Variants in ARL15 observed in about 807,000 individuals in gnomAD.
ARL15 encodes the protein ADP-ribosylation factor-like protein 15.
Under a neutral mutation model 25.2 loss-of-function variants are expected in ARL15, and 19 were observed. That is an observed-to-expected ratio of 0.75 (90% CI 0.53 to 1.10). The LOEUF (loss-of-function observed/expected upper bound fraction) is 1.10, where lower values mean the gene tolerates loss of function less well. ARL15 is among the 50% of genes least tolerant of loss of function. ARL15 has a pLI of 0.00. For synonymous variants in ARL15, 94 were observed against 86.8 expected (o/e 1.08, Z -0.46); for missense variants, 220 against 246.0 (o/e 0.89, Z 0.71).
At chr5:54,129,395 G>C (rs190076534) in intron 3 of ARL15, among the ~76,000 whole-genome samples, 143 of 152,282 alleles carry the variant, frequency 9.4e-4, no homozygotes, top group South Asian at 1.0e-3. Flanking sequence ...ATTAGAAGTA[G>C]TAAATCATTA....
chr5:54,181,560 A>T (rs1755059231), intron 1 of ARL15, among the ~76,000 whole-genome samples: 1 of 152,348 alleles, frequency 6.6e-6, no homozygotes, highest in East Asian at 1.9e-4. Flanking sequence ...AAAAATACAC[A>T]AACACTTTTA....
chr5:53,947,221 T>TGTGTGTGTGTG (rs57259252), intron 4 of ARL15, among the ~76,000 whole-genome samples: 26 of 114,790 alleles, frequency 2.3e-4, no homozygotes, highest in African/African-American at 5.8e-4. Flanking sequence ...TGTGTGTGTG[T>TGTGTGTGTGTG]TGAGGGCTGG....
intron 4 of ARL15, among the ~76,000 whole-genome samples, chr5:53,941,025 G>T (rs1746524706): frequency 1.3e-5 from 2 of 152,238 alleles, no homozygotes; most frequent in South Asian, 4.1e-4. Context: ...CCTGTGAGAT[G>T]AGTATTTTAT....
intron 4 of ARL15, among the ~76,000 whole-genome samples, chr5:53,936,854 G>A (rs989518598): frequency 6.6e-6 from 1 of 152,152 alleles, no homozygotes; most frequent in African/African-American, 2.4e-5. Flanking sequence ...TGCCCAGTGC[G>A]ATTTCCACCA....
chr5:54,098,155 G>C (rs1166011621), intron 4 of ARL15, among the ~76,000 whole-genome samples: 1 of 152,048 alleles, frequency 6.6e-6, no homozygotes, highest in East Asian at 1.9e-4. Context: ...GAGGAAAGTT[G>C]GATGCTCCTC....
chr5:54,154,941 T>G (rs1754183022), intron 2 of ARL15, among the ~76,000 whole-genome samples: 1 of 152,116 alleles, frequency 6.6e-6, no homozygotes, highest in African/African-American at 2.4e-5. Flanking sequence ...GGCAACATGG[T>G]GAAACCCCGT....
At chr5:54,002,800 C>G (rs1300633021) in intron 4 of ARL15, among the ~76,000 whole-genome samples, 1 of 152,100 alleles carries the variant, frequency 6.6e-6, no homozygotes, top group African/African-American at 2.4e-5. Context: ...TTCTTGCTGC[C>G]CTGTAATATA....
chr5:54,080,350 G>T (rs1424766617), intron 4 of ARL15, among the ~76,000 whole-genome samples: 1 of 152,232 alleles, frequency 6.6e-6, no homozygotes, highest in African/African-American at 2.4e-5. Context: ...GGTTACAAAT[G>T]ATATGGTATT....
intron 4 of ARL15, among the ~76,000 whole-genome samples, chr5:53,992,825 C>A (rs896182546): frequency 2.5e-5 from 3 of 121,644 alleles, no homozygotes; most frequent in Non-Finnish European, 3.6e-5. Flanking sequence ...CTTTGGGAGG[C>A]CGAGGTGGGT....
chr5:54,272,795 T>C (rs1757823573), intron 1 of ARL15, among the ~76,000 whole-genome samples: 1 of 152,212 alleles, frequency 6.6e-6, no homozygotes, highest in South Asian at 2.1e-4. Flanking sequence ...ATGAAGTTAA[T>C]ATAGAATACA....
At chr5:54,108,656 T>C (rs1752653175) in intron 4 of ARL15, among the ~76,000 whole-genome samples, 1 of 152,142 alleles carries the variant, frequency 6.6e-6, no homozygotes, top group Non-Finnish European at 1.5e-5. Context: ...AAATGATCTG[T>C]TATCAAGCAA....
At chr5:54,030,850 C>T (rs943652641) in intron 4 of ARL15, among the ~76,000 whole-genome samples, 2 of 152,076 alleles carry the variant, frequency 1.3e-5, no homozygotes, top group Admixed American at 6.5e-5. Flanking sequence ...GCCACATTAA[C>T]GTTGAAAGTG....
At chr5:54,153,166 T>C (rs981143577) in intron 3 of ARL15, among the ~76,000 whole-genome samples, 8 of 152,194 alleles carry the variant, frequency 5.3e-5, no homozygotes, top group South Asian at 2.1e-4. Flanking sequence ...TAAATATCCA[T>C]AAGTAATATT....
At chr5:53,951,847 ATTTTTTTTTTTTT>A (rs59369848) in intron 4 of ARL15, among the ~76,000 whole-genome samples, 3 of 98,220 alleles carry the variant, frequency 3.1e-5, no homozygotes, top group East Asian at 3.0e-4. Flanking sequence ...ACATAAAAGA[ATTTTTTTTTTTTT>A]TTTTTTTTTT....
intron 1 of ARL15, among the ~76,000 whole-genome samples, chr5:54,221,407 C>A (rs931439939): frequency 7.2e-5 from 11 of 152,186 alleles, no homozygotes; most frequent in African/African-American, 2.2e-4. Context: ...GCTGATTTGT[C>A]ATTTTAAATG....
chr5:54,297,791 CT>C (rs1032076695), intron 1 of ARL15, among the ~76,000 whole-genome samples: 3 of 151,474 alleles, frequency 2.0e-5, no homozygotes, highest in Admixed American at 6.6e-5. Context: ...CTTCTACTTT[CT>C]TTTTTTTTGA....
At chr5:53,894,652 A>C (rs1744816648) in intron 4 of ARL15, among the ~76,000 whole-genome samples, 1 of 152,162 alleles carries the variant, frequency 6.6e-6, no homozygotes, top group African/African-American at 2.4e-5. Flanking sequence ...GTATTCCCAT[A>C]TCTGTACCCT....
At chr5:54,003,656 TTTTC>T (rs61374858) in intron 4 of ARL15, among the ~76,000 whole-genome samples, 5,579 of 126,250 alleles carry the variant, frequency 0.044, 121 homozygotes, top group East Asian at 0.11. Flanking sequence ...TCAGAAAATA[TTTTC>T]TTTCTATCTA....
chr5:53,948,359 T>C (rs1273650466), intron 4 of ARL15, among the ~76,000 whole-genome samples: 1 of 152,246 alleles, frequency 6.6e-6, no homozygotes, highest in Non-Finnish European at 1.5e-5. Context: ...GTCTTCTATA[T>C]GACTACCTAC....
Sources: allele counts gnomAD v4.1 joint callset (sites outside exome capture counted in the v4.1 genomes callset), GRCh38; gene constraint gnomAD v4.1.1; transcripts MANE v1.5; gene names NCBI Gene and HGNC (gene_info 2026-07-23, HGNC 2026-07-21).